Variants in TBC1D22A observed in about 807,000 individuals in gnomAD.
The protein encoded by TBC1D22A is putative GTPase activator.
A neutral mutation model predicts 60.2 loss-of-function variants in TBC1D22A; 38 were observed. The ratio of observed to expected loss-of-function variants is 0.63; its 90% CI spans 0.49 to 0.83. The LOEUF is 0.83. TBC1D22A is among the 40% of genes least tolerant of loss of function. TBC1D22A has a pLI of 0.00. For synonymous variants in TBC1D22A, 302 were observed against 281.7 expected (o/e 1.07, Z -0.72); for missense variants, 628 against 701.0 (o/e 0.90, Z 1.18).
At chr22:47,111,464 G>A in intron 11 of TBC1D22A, 44 bp from the exon 12 acceptor site, 2 of 1,567,682 alleles carry the variant, frequency 1.3e-6, no homozygotes, top group Non-Finnish European at 1.8e-6. Context: ...ATGTTAATGG[G>A]TCACGCGTTA....
chr22:46,966,436 G>A (rs983554166), intron 8 of TBC1D22A, among the ~76,000 whole-genome samples: 1 of 152,168 alleles, frequency 6.6e-6, no homozygotes, highest in South Asian at 2.1e-4. Flanking sequence ...TCTTTGTTTC[G>A]TCCTCGCTTT....
chr22:47,046,159 G>GCCCC (rs142209729), intron 11 of TBC1D22A, among the ~76,000 whole-genome samples: 2 of 152,264 alleles, frequency 1.3e-5, no homozygotes, highest in South Asian at 4.1e-4. Context: ...CAAAGGCCTT[G>GCCCC]CCCCACAAGG....
intron 8 of TBC1D22A, among the ~76,000 whole-genome samples, chr22:46,967,309 C>T (rs1322397645): frequency 6.6e-6 from 1 of 152,230 alleles, no homozygotes; most frequent in Non-Finnish European, 1.5e-5. Context: ...GGACTTTTTT[C>T]TCCATCCTGG....
At chr22:46,884,439 G>C (rs2147538209) in intron 5 of TBC1D22A, among the ~76,000 whole-genome samples, 1 of 152,324 alleles carries the variant, frequency 6.6e-6, no homozygotes, top group African/African-American at 2.4e-5. Context: ...GTGATGAAGA[G>C]GGAGAACAGT....
chr22:47,098,428 C>T (rs1262868950), intron 11 of TBC1D22A, among the ~76,000 whole-genome samples: 1 of 152,194 alleles, frequency 6.6e-6, no homozygotes, highest in Non-Finnish European at 1.5e-5. Context: ...GCTGCCACCC[C>T]CAGGTGGCCT....
At chr22:47,124,766 C>T (rs1219142491) in intron 12 of TBC1D22A, among the ~76,000 whole-genome samples, 4 of 151,724 alleles carry the variant, frequency 2.6e-5, no homozygotes, top group South Asian at 4.2e-4. Context: ...GTGAGGGGCC[C>T]GCGGGGGAAG....
chr22:47,140,627 C>T (rs2067048381), intron 12 of TBC1D22A, among the ~76,000 whole-genome samples: 2 of 152,248 alleles, frequency 1.3e-5, no homozygotes, highest in East Asian at 1.9e-4. Context: ...AGACAAGGCT[C>T]GTTTATCCGG....
chr22:46,872,955 T>C (rs970356872), intron 4 of TBC1D22A, among the ~76,000 whole-genome samples: 4 of 152,204 alleles, frequency 2.6e-5, no homozygotes, highest in African/African-American at 7.2e-5. Context: ...ATGAGCCATA[T>C]GAACCTGGAA....
intron 4 of TBC1D22A, among the ~76,000 whole-genome samples, chr22:46,800,613 T>C (rs1300732612): frequency 1.3e-5 from 2 of 152,190 alleles, no homozygotes; most frequent in Non-Finnish European, 2.9e-5. Flanking sequence ...TCAGAGTTCT[T>C]GTTTGCGTGA....
At chr22:46,878,347 A>AGGGAGAGAAGGAGGTGGGAGGGG (rs1491482215) in intron 4 of TBC1D22A, among the ~76,000 whole-genome samples, 1 of 11,526 alleles carries the variant, frequency 8.7e-5, no homozygotes, top group Non-Finnish European at 2.0e-4. Context: ...GGTGGGAGGG[A>AGGGAGAGAAGGAGGTGGGAGGGG]AGGAGGCCAG....
chr22:47,032,086 G>A (rs1400932779), intron 10 of TBC1D22A, among the ~76,000 whole-genome samples: 1 of 152,234 alleles, frequency 6.6e-6, no homozygotes, highest in Non-Finnish European at 1.5e-5. Context: ...TCCCAGGTGG[G>A]GACATGCCGA....
At chr22:46,815,458 C>T (rs530765205) in intron 4 of TBC1D22A, among the ~76,000 whole-genome samples, 74 of 152,340 alleles carry the variant, frequency 4.9e-4, no homozygotes, top group East Asian at 1.9e-3. Context: ...GCTCAGAGTA[C>T]GCAATCCTAC....
intron 5 of TBC1D22A, among the ~76,000 whole-genome samples, chr22:46,889,751 C>T (rs1041932712): frequency 6.6e-6 from 1 of 151,786 alleles, no homozygotes; most frequent in African/African-American, 2.4e-5. Context: ...TGTGTAGGTC[C>T]TGAGTGACTC....
intron 11 of TBC1D22A, among the ~76,000 whole-genome samples, chr22:47,077,987 T>C (rs2064297963): frequency 6.6e-6 from 1 of 152,232 alleles, no homozygotes; most frequent in Admixed American, 6.5e-5. Flanking sequence ...TGTCTCAGTG[T>C]TGCCTTGCCT....
intron 12 of TBC1D22A, among the ~76,000 whole-genome samples, chr22:47,128,040 T>C (rs1350257814): frequency 5.8e-5 from 3 of 51,504 alleles, no homozygotes; most frequent in African/African-American, 1.9e-4. Flanking sequence ...CCACCCATCC[T>C]CTCCTCCGCC....
At chr22:46,878,324 A>G (rs59313356) in intron 4 of TBC1D22A, among the ~76,000 whole-genome samples, 891 of 10,096 alleles carry the variant, frequency 0.088, no homozygotes, top group Middle Eastern at 0.29. Context: ...GGTGGGAGGG[A>G]GAGAGAGAAG....
chr22:47,145,395 A>G (rs1045807884), intron 12 of TBC1D22A, among the ~76,000 whole-genome samples: 1 of 152,234 alleles, frequency 6.6e-6, no homozygotes, highest in African/African-American at 2.4e-5. Flanking sequence ...TCCTCGGCCC[A>G]GAGTCCTTCT....
At chr22:46,806,863 C>G (rs2085164800) in intron 4 of TBC1D22A, among the ~76,000 whole-genome samples, 1 of 152,152 alleles carries the variant, frequency 6.6e-6, no homozygotes, top group African/African-American at 2.4e-5. Context: ...CCAGTCAGAC[C>G]TGAGTAGCTA....
chr22:46,933,734 C>T lies in TBC1D22A; in HGVS notation c.1015+21546C>T, dbSNP rs558583833. On this transcript the variant is annotated intron_variant, in intron 8 of 12. Transcript: ENST00000337137. ...CCGGGGCGGGTGTTGACTGCAGCCA[C>T]GTGGCCCCTGAGCACGGGAAATGTG... 1.1e-4 allele frequency among the ~76,000 whole-genome samples: 16 copies of T among 152,354 alleles called. No individual in the cohort carries two copies. In the East Asian group the frequency reaches 1.7e-3, roughly 17 times the overall value.
Sources: gnomAD v4.1 joint callset for allele counts (sites outside exome capture counted in the v4.1 genomes callset) on GRCh38, gnomAD v4.1.1 for gene constraint, MANE v1.5 for transcripts, NCBI Gene and HGNC (gene_info 2026-07-23, HGNC 2026-07-21) for gene names.